Variants in ZNF396 observed in about 807,000 individuals in gnomAD.
The protein encoded by ZNF396 is zinc finger and SCAN domain-containing protein 14.
In ZNF396, 14 loss-of-function variants were observed where a neutral mutation model predicts 20.5. The ratio of observed to expected loss-of-function variants is 0.68; its 90% CI spans 0.45 to 1.07. The LOEUF (loss-of-function observed/expected upper bound fraction) is 1.07, where lower values mean the gene tolerates loss of function less well. ZNF396 is among the 50% of genes least tolerant of loss of function. The pLI is 0.00. For missense variants in ZNF396, 347 were observed against 390.1 expected (o/e 0.89, Z 0.93); for synonymous variants, 119 against 140.6 (o/e 0.85, Z 1.08).
chr18:35,373,696 A>G, intron 2 of ZNF396, 96 bp from the exon 3 acceptor site: 1 of 1,531,842 alleles, frequency 6.5e-7, no homozygotes. Context: ...TATCATGGAC[A>G]CAGGAAAAGG....
At chr18:35,373,290 A>G (rs2045207827) in intron 3 of ZNF396, 166 bp downstream of exon 3, 3 of 776,232 alleles carry the variant, frequency 3.9e-6, no homozygotes, top group East Asian at 3.2e-5. Context: ...AAGCAAGAAC[A>G]AAATACTGAA....
At position 35,375,533 on chromosome 18, in the gene ZNF396, G is replaced by A. The variant is rs190347652; in HGVS notation, c.-72-1169C>T. Among the ~76,000 whole-genome samples the A allele has an allele frequency of 4.4e-3, 670 of 152,244 alleles. 4 individuals are homozygous for A. The highest frequency in any genetic ancestry group is 0.015 in the African/African-American group (607 of 41,546). On this transcript the variant is annotated intron_variant, in intron 1 of 3. Transcript: ENST00000589332. ...CTGCTTGTTGAGGATCAAAGGAGAAGAGCAAATTCTGTCTTGCTATGTATT... is the reference window on the plus strand; with the variant it reads ...CTGCTTGTTGAGGATCAAAGGAGAAAAGCAAATTCTGTCTTGCTATGTATT...
chr18:35,368,482 T>TTTTA lies in ZNF396; in HGVS notation c.*729_*732dup, dbSNP rs56036260. ...AGACAAAATAGGAATTTATTTTTATTTTTATTTATTTATTTATTTATTTAT... is the reference window on the plus strand; with the variant it reads ...AGACAAAATAGGAATTTATTTTTATTTTTATTTATTTATTTATTTATTTATTTAT... On this transcript the variant is annotated 3_prime_UTR_variant, in exon 4 of 4. Transcript: ENST00000589332. The TTTTA allele has an allele frequency of 0.29, 97,286 of 338,452 alleles. 18,041 individuals are homozygous for TTTTA. The highest frequency in any genetic ancestry group is 0.37 in the Non-Finnish European group (72,969 of 199,822). The allele number at this position is 338,452 out of a possible 1,614,324, so 21.0% of individuals were successfully genotyped here.
At position 35,374,170 on chromosome 18, in the gene ZNF396, G is replaced by A. The variant is rs1337333446; in HGVS notation, c.123C>T (p.His41=). Residue 41 remains histidine (H), a synonymous_variant, in exon 2 of 4, where the codon CAC becomes CAT. Coordinates refer to ENST00000589332, the MANE Select transcript of ZNF396 (RefSeq NM_001322286.2). This position sits in a 1 kb window ranked among gnomAD's most constrained non-coding sequence, Gnocchi z 4.3. ...EQTCDPDSSL[H]WSSSYSPETF... is the part of the protein sequence containing the mutation. ...TCTCTGGGCTGTAGCTGCTGCTCCA[G>A]TGGAGGCTAGAGTCTGGATCACAGG... is the stretch of plus-strand genomic sequence containing the variant. The A allele has an allele frequency of 1.2e-5, 20 of 1,614,122 alleles. No individual in the cohort carries two copies. Among genetic ancestry groups the A allele is most frequent in the East Asian group, 2.2e-5 (1 of 44,888 alleles).
In ZNF396 at chr18:35,366,700, T is replaced by G. The variant is rs2045103286; in HGVS notation, c.*2515A>C. The G allele has an allele frequency of 6.6e-6, 1 of 152,166 alleles. No individual in the cohort carries two copies. The highest frequency in any genetic ancestry group is 2.1e-4 in the South Asian group (1 of 4,822). 9.4% of individuals were successfully genotyped at this position (152,166 alleles called of 1,614,324 possible). On this transcript the variant is annotated 3_prime_UTR_variant, in exon 4 of 4. Coordinates refer to ENST00000589332, the MANE Select transcript of ZNF396 (RefSeq NM_001322286.2). ...AGCCAGAAAACAATACCAATTTCAT[T>G]TTGGAGTATTTACTATCCCTGAAAA...
intron 1 of ZNF396, among the ~76,000 whole-genome samples, chr18:35,376,987 T>A (rs1038928996): frequency 1.3e-5 from 2 of 152,004 alleles, no homozygotes; most frequent in Non-Finnish European, 2.9e-5. Flanking sequence ...GCCGCGCGCC[T>A]CCCAGGCTGG....
At chr18:35,376,981 C>G (rs1350783224) in intron 1 of ZNF396, among the ~76,000 whole-genome samples, 1 of 152,116 alleles carries the variant, frequency 6.6e-6, no homozygotes, top group East Asian at 1.9e-4. Context: ...CGCCGCGCCG[C>G]GCGCCTCCCA....
intron 3 of ZNF396, 41 bp downstream of exon 3, chr18:35,373,415 C>A: frequency 6.2e-7 from 1 of 1,600,108 alleles, no homozygotes; most frequent in Non-Finnish European, 8.5e-7. Flanking sequence ...GAGCAGAGGG[C>A]CCCCACACCT....
chr18:35,368,296 C>G lies in ZNF396; in HGVS notation c.*919G>C, dbSNP rs2045121011. 1.0e-6 allele frequency: 1 copy of G among 1,000,684 alleles called. No individual in the cohort carries two copies. Among genetic ancestry groups the G allele is most frequent in the South Asian group, 2.6e-5 (1 of 38,508 alleles). The allele number at this position is 1,000,684 out of a possible 1,614,324, so 62.0% of individuals were successfully genotyped here. On this transcript the variant is annotated 3_prime_UTR_variant, in exon 4 of 4. Coordinates refer to ENST00000589332, the MANE Select transcript of ZNF396 (RefSeq NM_001322286.2). ...ATTTTTTTCCAACACGGGAAATTAA[C>G]TTGATATTAATAGTATGGAGGCTCT...
rs2045217859 is a variant in ZNF396, at chr18:35,373,778, G to T, written c.417+98C>A. On this transcript the variant is annotated intron_variant, in intron 2 of 3. Coordinates refer to ENST00000589332, the MANE Select transcript of ZNF396 (RefSeq NM_001322286.2). ...TACTTTCACCCCTATACATCCAGTT[G>T]TGCTGAGTGGGAATACAGTTTGAGA... The T allele has an allele frequency of 9.2e-6, 14 of 1,515,282 alleles. No homozygotes were observed. In the South Asian group the frequency reaches 1.7e-4, roughly 18 times the overall value. The allele number at this position is 1,515,282 out of a possible 1,614,324, so 93.9% of individuals were successfully genotyped here. A position where few individuals can be genotyped will look rare whatever the true frequency, so the allele number is the denominator to read the frequency against.
At chr18:35,372,448 A>G (rs1178858516) in intron 3 of ZNF396, 1 of 152,142 alleles carries the variant, frequency 6.6e-6, no homozygotes, top group African/African-American at 2.4e-5. Flanking sequence ...AAATTACTGT[A>G]TTTCCTTTGT....
Position 35,368,639 on chromosome 18 carries a change from A to G in ZNF396, c.*576T>C, listed in dbSNP as rs2045129066. The G allele has an allele frequency of 1.6e-6, 1 of 617,226 alleles. No individual in the cohort carries two copies. Among genetic ancestry groups the G allele is most frequent in the Non-Finnish European group, 2.0e-6 (1 of 490,530 alleles). The allele number at this position is 617,226 out of a possible 1,614,324, so 38.2% of individuals were successfully genotyped here. A position where few individuals can be genotyped will look rare whatever the true frequency, so the allele number is the denominator to read the frequency against. Reference sequence around the variant, plus strand: ...GCTAATTTTTTGAATTTTAGTAGAGACGGGGTTTCGCCGTGTTGTCCAGGC... The same window carrying G: ...GCTAATTTTTTGAATTTTAGTAGAGGCGGGGTTTCGCCGTGTTGTCCAGGC... On this transcript the variant is annotated 3_prime_UTR_variant, in exon 4 of 4. Coordinates refer to ENST00000589332, the MANE Select transcript of ZNF396 (RefSeq NM_001322286.2).
In ZNF396 at chr18:35,367,835, A is replaced by G. The variant is rs1475652545; in HGVS notation, c.*1380T>C. On this transcript the variant is annotated 3_prime_UTR_variant, in exon 4 of 4. Coordinates refer to ENST00000589332, the MANE Select transcript of ZNF396 (RefSeq NM_001322286.2). The stretch of plus-strand genomic sequence containing the variant: ...TAAATTGAACTTCAGTGATTTGTCC[A>G]TATGTACAAGAGCATCAAAATCCAG... The G allele has an allele frequency of 6.6e-6, 1 of 152,236 alleles. No homozygotes were observed. Among genetic ancestry groups the G allele is most frequent in the Non-Finnish European group, 1.5e-5 (1 of 68,046 alleles). 9.4% of individuals were successfully genotyped at this position (152,236 alleles called of 1,614,324 possible).
At position 35,374,045 on chromosome 18, in the gene ZNF396, G is replaced by A. The variant is rs775507601; in HGVS notation, c.248C>T (p.Pro83Leu). ...LWELCHLWLR[P>L]EVHTKEQILE... ...GATCTGCTCCTTGGTGTGCACTTCC[G>A]GCCTCAGCCAGAGATGACAAAGTTC... The change falls in exon 2 of 4, where the codon CCG (proline) becomes CTG (leucine). Residue 83 changes from proline (P) to leucine (L), a missense_variant. Pro to Leu is a moderately conservative substitution (Grantham distance 98, BLOSUM62 -3). Transcript: ENST00000589332. The surrounding 1 kb of genome is among the most constrained non-coding windows in gnomAD (Gnocchi z 4.3). 37 of 1,614,202 alleles carry A rather than the reference G, an allele frequency of 2.3e-5. No individual in the cohort carries two copies. Among genetic ancestry groups the A allele is most frequent in the Non-Finnish European group, 2.8e-5 (33 of 1,180,034 alleles).
chr18:35,368,503 T>TTTATTTATTTA lies in ZNF396; in HGVS notation c.*701_*711dup. The TTTATTTATTTA allele has an allele frequency of 1.3e-6, 1 of 751,262 alleles. No homozygotes were observed. The highest frequency in any genetic ancestry group is 1.8e-6 in the Non-Finnish European group (1 of 568,162). The allele number at this position is 751,262 out of a possible 1,614,324, so 46.5% of individuals were successfully genotyped here. A position where few individuals can be genotyped will look rare whatever the true frequency, so the allele number is the denominator to read the frequency against. On this transcript the variant is annotated 3_prime_UTR_variant, in exon 4 of 4. Transcript: ENST00000589332. Reference sequence around the variant, plus strand: ...TTATTTTTATTTATTTATTTATTTATTTATTTATTTATTTTAAAGACGGAG... The same window carrying TTTATTTATTTA: ...TTATTTTTATTTATTTATTTATTTATTTATTTATTTATTATTTATTTATTTTAAAGACGGAG...
Position 35,367,173 on chromosome 18 carries a change from C to T in ZNF396, c.*2042G>A, listed in dbSNP as rs2045108069. ...TGAGCCCCAAATAAAAAGTATCCTA[C>T]ATTTTTAGTGACTCAAGATACACAC... On this transcript the variant is annotated 3_prime_UTR_variant, in exon 4 of 4. Transcript: ENST00000589332. 1 of 152,214 alleles carries T rather than the reference C, an allele frequency of 6.6e-6. No individual in the cohort carries two copies. The highest frequency in any genetic ancestry group is 1.5e-5 in the Non-Finnish European group (1 of 68,030). 9.4% of individuals were successfully genotyped at this position (152,214 alleles called of 1,614,324 possible). A position where few individuals can be genotyped will look rare whatever the true frequency, so the allele number is the denominator to read the frequency against.
At chr18:35,369,724 T>C (rs1448778081) in intron 3 of ZNF396, 64 bp from the exon 4 acceptor site, 2 of 1,449,164 alleles carry the variant, frequency 1.4e-6, no homozygotes, top group East Asian at 2.3e-5. Flanking sequence ...ATATACATGA[T>C]TATTGCTAGC....
At chr18:35,373,429 A>G (rs2045210538) in intron 3 of ZNF396, 27 bp downstream of exon 3, 1 of 1,608,930 alleles carries the variant, frequency 6.2e-7, no homozygotes, top group Middle Eastern at 1.7e-4. Context: ...CACACCTTCC[A>G]ACATGAACTG....
Position 35,374,341 on chromosome 18 carries a change from G to A in ZNF396, c.-49C>T, listed in dbSNP as rs367893352. ...CTGTTAGGCTTTAATCCTCAAGGAG[G>A]TGAAGCTGTCCTGATGGACACTCCT... On this transcript the variant is annotated 5_prime_UTR_variant, in exon 2 of 4. Coordinates refer to ENST00000589332, the MANE Select transcript of ZNF396 (RefSeq NM_001322286.2). This position sits in a 1 kb window ranked among gnomAD's most constrained non-coding sequence, Gnocchi z 4.3. 6.4e-7 allele frequency: 1 copy of A among 1,563,912 alleles called. No homozygotes were observed. The highest frequency in any genetic ancestry group is 1.4e-5 in the African/African-American group (1 of 74,008).
Sources: allele counts gnomAD v4.1 joint callset (sites outside exome capture counted in the v4.1 genomes callset), GRCh38; gene constraint gnomAD v4.1.1; non-coding constraint Gnocchi (gnomAD v3.1); transcripts MANE v1.5; gene names NCBI Gene and HGNC (gene_info 2026-07-23, HGNC 2026-07-21).